The following ICA1L variants were observed in gnomAD, a reference collection of about 807,000 sequenced individuals.
ICA1L encodes the protein islet cell autoantigen 1 like.
Under a neutral mutation model 61.3 loss-of-function variants are expected in ICA1L, and 50 were observed. That is an observed-to-expected ratio of 0.82 (90% CI 0.65 to 1.03). The LOEUF is 1.03. ICA1L is among the 50% of genes least tolerant of loss of function. The pLI is 0.00. For synonymous variants in ICA1L, 161 were observed against 191.3 expected, an observed-to-expected ratio of 0.84 and a Z score of 1.31; for missense variants, 508 against 556.7, an observed-to-expected ratio of 0.91 and a Z score of 0.88.
chr2:202,799,454 C>T (rs1693029969), intron 9 of ICA1L, among the ~76,000 whole-genome samples: 1 of 152,102 alleles, frequency 6.6e-6, no homozygotes, highest in Non-Finnish European at 1.5e-5. Flanking sequence ...GTCCTTTGCC[C>T]ACTTTTTAAT....
intron 12 of ICA1L, among the ~76,000 whole-genome samples, chr2:202,783,170 G>A (rs373331496): frequency 4.5e-4 from 68 of 152,272 alleles, no homozygotes; most frequent in Non-Finnish European, 6.5e-4. Flanking sequence ...GAAAATCACC[G>A]TTTGGCAACA....
intron 9 of ICA1L, among the ~76,000 whole-genome samples, chr2:202,798,721 T>C (rs1693009358): frequency 6.6e-6 from 1 of 152,144 alleles, no homozygotes; most frequent in South Asian, 2.1e-4. Context: ...ACATTCCTTC[T>C]ATTTCACTGT....
chr2:202,869,343 C>T (rs1241872067), intron 1 of ICA1L, among the ~76,000 whole-genome samples: 2 of 151,806 alleles, frequency 1.3e-5, no homozygotes, highest in Non-Finnish European at 2.9e-5. Flanking sequence ...GGCGACAGAG[C>T]GAGACTCTGT....
intron 5 of ICA1L, 130 bp downstream of exon 5, chr2:202,819,571 T>G: frequency 1.4e-6 from 1 of 736,400 alleles, no homozygotes; most frequent in African/African-American, 1.8e-5. Context: ...AACTACAGTC[T>G]CCAAGCAACC....
chr2:202,865,634 G>A (rs1687487014), intron 1 of ICA1L, among the ~76,000 whole-genome samples: 2 of 152,020 alleles, frequency 1.3e-5, no homozygotes, highest in Non-Finnish European at 2.9e-5. Flanking sequence ...TTATTCACAG[G>A]TGACATGATT....
chr2:202,774,856 C>T lies in ICA1L; in HGVS notation c.*4677G>A, dbSNP rs1692174160. 1 of 152,506 alleles carries T rather than the reference C, an allele frequency of 6.6e-6. No individual in the cohort carries two copies. The highest frequency in any genetic ancestry group is 1.9e-4 in the East Asian group (1 of 5,190). 9.4% of individuals were successfully genotyped at this position (152,506 alleles called of 1,614,324 possible). A position where few individuals can be genotyped will look rare whatever the true frequency, so the allele number is the denominator to read the frequency against. ...AAGAAAACCGGAAGTTTAAAACGTA[C>T]ACTACAAATGTAAAAACATACACTG... On this transcript the variant is annotated 3_prime_UTR_variant, in exon 13 of 13. Transcript: ENST00000358299.
chr2:202,826,397 T>C (rs1452190668), intron 2 of ICA1L, among the ~76,000 whole-genome samples: 1 of 152,132 alleles, frequency 6.6e-6, no homozygotes, highest in Non-Finnish European at 1.5e-5. Context: ...ACTATATACA[T>C]GACATAACTC....
At position 202,789,041 on chromosome 2, in the gene ICA1L, C is replaced by T; in HGVS notation, c.1032G>A (p.Glu344=). 1 of 1,613,062 alleles carries T rather than the reference C, an allele frequency of 6.2e-7. No homozygotes were observed. Among genetic ancestry groups the T allele is most frequent in the Non-Finnish European group, 8.5e-7 (1 of 1,179,382 alleles). Reference sequence around the variant, plus strand: ...GGTTGTTCAGAAATGAGAATTCCTTCTCAAAATCTTCTCCTTCCAATGAAT... The same window carrying T: ...GGTTGTTCAGAAATGAGAATTCCTTTTCAAAATCTTCTCCTTCCAATGAAT... ...PVDSLEGEDF[E]KEFSFLNNLL... The change falls in exon 11 of 13, where the codon GAG becomes GAA. Residue 344 remains glutamate, a synonymous_variant. Coordinates refer to ENST00000358299, the MANE Select transcript of ICA1L (RefSeq NM_001288622.3).
At chr2:202,791,101 T>G (rs962022384) in intron 10 of ICA1L, among the ~76,000 whole-genome samples, 3 of 152,242 alleles carry the variant, frequency 2.0e-5, no homozygotes, top group Non-Finnish European at 4.4e-5. Context: ...GTAGGCCAGC[T>G]GCTTTGCCTG....
At chr2:202,792,932 T>A (rs1200179037) in intron 10 of ICA1L, among the ~76,000 whole-genome samples, 1 of 152,202 alleles carries the variant, frequency 6.6e-6, no homozygotes, top group African/African-American at 2.4e-5. Context: ...ATATGGAATG[T>A]CCAGAAAAGG....
chr2:202,789,138 GAGTA>G, intron 10 of ICA1L, 51 bp from the exon 11 acceptor site: 1 of 1,425,328 alleles, frequency 7.0e-7, no homozygotes, highest in Non-Finnish European at 9.7e-7. Context: ...TAGGAAATGA[GAGTA>G]AGACCATAGG....
chr2:202,854,854 C>T (rs900255698), intron 1 of ICA1L, among the ~76,000 whole-genome samples: 5 of 151,976 alleles, frequency 3.3e-5, no homozygotes, highest in Admixed American at 2.0e-4. Context: ...GGTGAAACCC[C>T]GTCTCTACTA....
rs140755256 is a variant in ICA1L at position 202,793,431 on chromosome 2, C to T, written c.985+3459G>A. ...CAGCACTTTGGGAAGCTGAGGCGGGCGGATCATCTGAGGTCAGGAGTTCAA... is the reference window on the plus strand; with the variant it reads ...CAGCACTTTGGGAAGCTGAGGCGGGTGGATCATCTGAGGTCAGGAGTTCAA... On this transcript the variant is annotated intron_variant, in intron 10 of 12. Transcript: ENST00000358299. Among the ~76,000 whole-genome samples the T allele has an allele frequency of 5.9e-3, 736 of 124,068 alleles. 22 individuals are homozygous for T. The East Asian group carries it at 0.1, about 17-fold the overall frequency. The allele number at this position is 124,068 out of a possible 152,430, so 81.4% of individuals were successfully genotyped here.
At position 202,832,192 on chromosome 2, in the gene ICA1L, G is replaced by C. The variant is rs74787926; in HGVS notation, c.-7-3176C>G. On this transcript the variant is annotated intron_variant, in intron 1 of 12. Coordinates refer to ENST00000358299, the MANE Select transcript of ICA1L (RefSeq NM_001288622.3). ...AATTCTTTTTCAGAGAAGCAAAACAGAATCCAGAATCTCTCAAATGCATCA... is the reference window on the plus strand; with the variant it reads ...AATTCTTTTTCAGAGAAGCAAAACACAATCCAGAATCTCTCAAATGCATCA... Among the ~76,000 whole-genome samples the C allele has an allele frequency of 1.1e-3, 173 of 152,220 alleles. 6 individuals carry two copies. The East Asian group carries it at 0.032, about 29-fold the overall frequency.
chr2:202,808,092 G>A (rs1033774482), intron 9 of ICA1L, among the ~76,000 whole-genome samples: 8 of 152,184 alleles, frequency 5.3e-5, no homozygotes, highest in Non-Finnish European at 7.3e-5. Context: ...GAGGTAAGGA[G>A]AGGAAAGAGT....
At chr2:202,840,305 A>G in intron 1 of ICA1L, 1 of 460,572 alleles carries the variant, frequency 2.2e-6, no homozygotes, top group East Asian at 5.6e-5. Context: ...CAGGAGGGGC[A>G]CACTGGGAGG....
intron 1 of ICA1L, among the ~76,000 whole-genome samples, chr2:202,864,589 G>A (rs1026293724): frequency 3.3e-5 from 5 of 151,800 alleles, no homozygotes; most frequent in South Asian, 2.1e-4. Flanking sequence ...ATGTAGTAGT[G>A]TGTGTGTATG....
intron 3 of ICA1L, among the ~76,000 whole-genome samples, chr2:202,824,357 G>A (rs553470966): frequency 1.3e-5 from 2 of 151,810 alleles, no homozygotes; most frequent in Admixed American, 6.6e-5. Context: ...CCAAGATCAC[G>A]CCACTGCACT....
intron 12 of ICA1L, among the ~76,000 whole-genome samples, chr2:202,784,875 G>T (rs1692530793): frequency 6.6e-6 from 1 of 152,136 alleles, no homozygotes; most frequent in Non-Finnish European, 1.5e-5. Flanking sequence ...CTGAAGATCT[G>T]TTTCACAGCA....
Sources: gnomAD v4.1 joint callset for allele counts (sites outside exome capture counted in the v4.1 genomes callset) on GRCh38, gnomAD v4.1.1 for gene constraint, MANE v1.5 for transcripts, NCBI Gene and HGNC (gene_info 2026-07-23, HGNC 2026-07-21) for gene names.